Variants in RARB observed in about 807,000 individuals in gnomAD.
The protein encoded by RARB is retinoic acid receptor beta, also known as HBV-activated protein.
In RARB, 17 loss-of-function variants were observed where a neutral mutation model predicts 51.9. The observed-to-expected ratio is 0.33, with a 90% CI of 0.22 to 0.49. RARB has a LOEUF of 0.49. Among genes scored for constraint, RARB ranks in the 20% least tolerant of loss-of-function variants. RARB has a pLI of 0.99. For missense variants in RARB, 369 were observed against 550.8 expected (o/e 0.67, Z 3.30); for synonymous variants, 215 against 195.4 (o/e 1.10, Z -0.84).
At chr3:25,419,816 C>T (rs1397667524) in intron 5 of RARB, among the ~76,000 whole-genome samples, 1 of 152,144 alleles carries the variant, frequency 6.6e-6, no homozygotes, top group African/African-American at 2.4e-5. Context: ...TCTTTACCTC[C>T]CATGCTTATG....
chr3:25,151,252 G>C (rs760383026), intron 4 of RARB, among the ~76,000 whole-genome samples: 4 of 152,222 alleles, frequency 2.6e-5, no homozygotes, highest in African/African-American at 9.7e-5. Context: ...TATGAGGGTA[G>C]TGTCTTCATC....
intron 3 of RARB, among the ~76,000 whole-genome samples, chr3:25,078,953 G>T (rs1249976324): frequency 1.3e-5 from 2 of 152,074 alleles, no homozygotes; most frequent in Non-Finnish European, 2.9e-5. Flanking sequence ...TATTAGAATT[G>T]TGCTGAATTT....
chr3:25,328,295 G>A (rs374130235), intron 5 of RARB, among the ~76,000 whole-genome samples: 53 of 152,328 alleles, frequency 3.5e-4, no homozygotes, highest in Non-Finnish European at 5.7e-4. Flanking sequence ...TGAGACGGGC[G>A]GATCACCTCA....
chr3:25,234,399 CCT>C lies in RARB; in HGVS notation c.178+59831_178+59832del, dbSNP rs371643276. On this transcript the variant is annotated intron_variant, in intron 5 of 11. Transcript: ENST00000383772. ...TTCTTAATATTAGTAAGTTGCATCT[CCT>C]CTCTCTGTTTGTCAGTCTGGCTAGA... Among the ~76,000 whole-genome samples, 315 of 152,136 alleles carry C rather than the reference CCT, an allele frequency of 2.1e-3. 1 individual carries two copies. The highest frequency in any genetic ancestry group is 7.2e-3 in the African/African-American group (299 of 41,496).
chr3:25,084,532 A>G (rs1309713317), intron 3 of RARB, among the ~76,000 whole-genome samples: 1 of 36,088 alleles, frequency 2.8e-5, no homozygotes, highest in African/African-American at 2.9e-4. Context: ...TGGATTCTTT[A>G]CACATCATTA....
intron 1 of RARB, among the ~76,000 whole-genome samples, chr3:25,449,478 G>A (rs6550978): frequency 0.68 from 103,469 of 151,778 alleles, 35,965 homozygotes; most frequent in East Asian, 0.83. Flanking sequence ...CTGTCTGTCT[G>A]ACTTAGACGT....
intron 1 of RARB, among the ~76,000 whole-genome samples, chr3:24,831,667 T>C (rs1029414204): frequency 6.6e-6 from 1 of 152,054 alleles, no homozygotes; most frequent in Non-Finnish European, 1.5e-5. Flanking sequence ...TAGGTAATTC[T>C]TACCTAAAGC....
chr3:25,220,711 G>A (rs1335176213), intron 5 of RARB, among the ~76,000 whole-genome samples: 1 of 152,104 alleles, frequency 6.6e-6, no homozygotes, highest in Non-Finnish European at 1.5e-5. Context: ...GTTTCCTGAG[G>A]CCTCCCAAGC....
At position 25,250,557 on chromosome 3, in the gene RARB, G is replaced by A. The variant is rs145291357; in HGVS notation, c.178+75982G>A. On this transcript the variant is annotated intron_variant, in intron 5 of 11. Coordinates refer to the RARB transcript ENST00000383772. ...TGGTGTCCCCACTACTGGGGATTGT[G>A]GGGTCACTGACAGTGGCTCATGATT... Among the ~76,000 whole-genome samples the A allele has an allele frequency of 2.2e-3, 334 of 152,284 alleles. 1 individual carries two copies. The highest frequency in any genetic ancestry group is 7.8e-3 in the African/African-American group (324 of 41,556).
At chr3:25,184,220 A>G (rs912948086) in intron 5 of RARB, among the ~76,000 whole-genome samples, 3 of 152,074 alleles carry the variant, frequency 2.0e-5, no homozygotes, top group Non-Finnish European at 2.9e-5. Context: ...GAGAATGTGC[A>G]TTGTTAATTT....
intron 5 of RARB, among the ~76,000 whole-genome samples, chr3:25,367,184 T>C (rs1030281636): frequency 6.6e-6 from 1 of 152,164 alleles, no homozygotes; most frequent in African/African-American, 2.4e-5. Flanking sequence ...TGCTTATCAA[T>C]GTTTACTTGA....
chr3:25,085,805 A>T (rs1021013108), intron 3 of RARB, among the ~76,000 whole-genome samples: 1 of 152,288 alleles, frequency 6.6e-6, no homozygotes, highest in East Asian at 1.9e-4. Context: ...CTATTGAAAT[A>T]ATCTAAACTG....
At chr3:25,552,418 A>C (rs1365766795) in intron 3 of RARB, among the ~76,000 whole-genome samples, 3 of 151,950 alleles carry the variant, frequency 2.0e-5, no homozygotes, top group Non-Finnish European at 4.4e-5. Context: ...GAGGGCGGCC[A>C]ATTCTTGCTG....
At position 25,597,724 on chromosome 3, in the gene RARB, G is replaced by A. The variant is rs975768183; in HGVS notation, c.*1108G>A. 3 of 152,486 alleles carry A rather than the reference G, an allele frequency of 2.0e-5. No individual in the cohort carries two copies. The highest frequency in any genetic ancestry group is 7.2e-5 in the African/African-American group (3 of 41,390). 9.4% of individuals were successfully genotyped at this position (152,486 alleles called of 1,614,324 possible). A position where few individuals can be genotyped will look rare whatever the true frequency, so the allele number is the denominator to read the frequency against. On this transcript the variant is annotated 3_prime_UTR_variant, in exon 8 of 8. Transcript: ENST00000330688. ...GCAGAGTGAAAGCTGTGGTAGAGTG[G>A]TTAACAGATACAAGTGTCAGTTTCT...
intron 2 of RARB, among the ~76,000 whole-genome samples, chr3:24,944,374 A>G (rs1308945151): frequency 1.3e-5 from 2 of 152,356 alleles, no homozygotes; most frequent in East Asian, 3.9e-4. Flanking sequence ...GCCTGGAAAT[A>G]GCTAACATTG....
chr3:25,022,791 A>G (rs1697665886), intron 2 of RARB, among the ~76,000 whole-genome samples: 1 of 152,210 alleles, frequency 6.6e-6, no homozygotes, highest in Non-Finnish European at 1.5e-5. Flanking sequence ...TGTAAAGATG[A>G]GTGGCAAGAA....
intron 3 of RARB, among the ~76,000 whole-genome samples, chr3:25,539,104 T>C (rs140700937): frequency 9.8e-4 from 150 of 152,332 alleles, no homozygotes; most frequent in African/African-American, 3.5e-3. Context: ...ACCATTTAGA[T>C]ACCAACAAGC....
At chr3:25,468,556 A>T (rs754150373) in intron 2 of RARB, among the ~76,000 whole-genome samples, 4 of 36,894 alleles carry the variant, frequency 1.1e-4, no homozygotes, top group African/African-American at 1.8e-4. Flanking sequence ...TTTTCCTGTT[A>T]AAAAAAACAC....
chr3:24,986,953 A>C (rs780889253), intron 2 of RARB, among the ~76,000 whole-genome samples: 4 of 139,954 alleles, frequency 2.9e-5, no homozygotes, highest in Non-Finnish European at 6.1e-5. Context: ...ATAACCCAAG[A>C]ACATTTAGAT....
Sources: gnomAD v4.1 joint callset for allele counts (sites outside exome capture counted in the v4.1 genomes callset) on GRCh38, gnomAD v4.1.1 for gene constraint, MANE v1.5 for transcripts, NCBI Gene and HGNC (gene_info 2026-07-23, HGNC 2026-07-21) for gene names.